The following CTNNA3 variants were observed in gnomAD, a reference collection of about 807,000 sequenced individuals.
CTNNA3 encodes the protein catenin alpha-3.
Under a neutral mutation model 95.7 loss-of-function variants are expected in CTNNA3, and 76 were observed. That is an observed-to-expected ratio of 0.79 (90% CI 0.66 to 0.96). The LOEUF is 0.96. Ranked by LOEUF, CTNNA3 falls within the 40% of genes least tolerant of loss-of-function variation. The pLI, the probability that CTNNA3 is intolerant of heterozygous loss-of-function variation, is 0.00. For missense variants in CTNNA3, 1,191 were observed against 1,089.8 expected (o/e 1.09, Z -1.31); for synonymous variants, 431 against 374.4 (o/e 1.15, Z -1.74).
At chr10:67,726,274 ATAT>A (rs1477391102) in intron 1 of CTNNA3, among the ~76,000 whole-genome samples, 11 of 53,160 alleles carry the variant, frequency 2.1e-4, no homozygotes, top group African/African-American at 3.6e-4. Context: ...CATATTATAT[ATAT>A]TATATTACAT....
chr10:66,162,015 G>T (rs192879536), intron 13 of CTNNA3, among the ~76,000 whole-genome samples: 5 of 151,682 alleles, frequency 3.3e-5, no homozygotes, highest in African/African-American at 1.2e-4. Context: ...AGAGCATTCT[G>T]CATTTCCGAA....
intron 5 of CTNNA3, among the ~76,000 whole-genome samples, chr10:67,435,014 G>A (rs1025028078): frequency 1.3e-4 from 20 of 151,958 alleles, no homozygotes; most frequent in African/African-American, 4.1e-4. Context: ...CTATTGTTCC[G>A]ATATATTGCT....
In CTNNA3 at chr10:65,920,362, T is replaced by C. The variant is rs376134614; in HGVS notation, c.2656A>G (p.Met886Val). 6.2e-7 allele frequency: 1 copy of C among 1,613,980 alleles called. No homozygotes were observed. The highest frequency in any genetic ancestry group is 1.1e-5 in the South Asian group (1 of 91,078). Residue 886 changes from methionine to valine, a missense_variant, in exon 18 of 18, where the codon ATG becomes GTG. Coordinates refer to ENST00000433211, the MANE Select transcript of CTNNA3 (RefSeq NM_013266.4). ...ATTTGTCTTCCTCTAAATTCACTCATGACTTGCAATGGATGGATTTTTTTC... is the reference window on the plus strand; with the variant it reads ...ATTTGTCTTCCTCTAAATTCACTCACGACTTGCAATGGATGGATTTTTTTC... Reference protein sequence around the residue: ...AKKKIHPLQVMSEFRGRQIY With the variant: ...AKKKIHPLQVVSEFRGRQIY
chr10:67,522,024 T>G (rs1840003740), intron 4 of CTNNA3, 63 bp from the exon 5 acceptor site: 2 of 1,539,774 alleles, frequency 1.3e-6, no homozygotes, highest in South Asian at 2.4e-5. Flanking sequence ...ATTCTCAACT[T>G]GCTAACACGA....
intron 5 of CTNNA3, among the ~76,000 whole-genome samples, chr10:67,516,312 A>G (rs1234903864): frequency 6.6e-6 from 1 of 152,168 alleles, no homozygotes; most frequent in Non-Finnish European, 1.5e-5. Context: ...ATTCTAGCTG[A>G]TTCACTACTT....
intron 1 of CTNNA3, among the ~76,000 whole-genome samples, chr10:67,687,636 C>T (rs1370677408): frequency 1.3e-5 from 2 of 152,090 alleles, no homozygotes; most frequent in East Asian, 3.9e-4. Context: ...GCGCAAGGCT[C>T]GCTTTTGGAG....
intron 5 of CTNNA3, among the ~76,000 whole-genome samples, chr10:67,252,035 C>T (rs1866128649): frequency 6.6e-6 from 1 of 152,000 alleles, no homozygotes; most frequent in Non-Finnish European, 1.5e-5. Flanking sequence ...CACGGTGAAA[C>T]TCTGTCTCTA....
intron 1 of CTNNA3, among the ~76,000 whole-genome samples, chr10:67,731,402 A>T (rs1448758737): frequency 1.3e-5 from 2 of 152,090 alleles, no homozygotes; most frequent in African/African-American, 4.8e-5. Flanking sequence ...AATCGGTTGA[A>T]CCTGGGAAGC....
chr10:66,836,576 T>G (rs916102174), intron 7 of CTNNA3, among the ~76,000 whole-genome samples: 7 of 151,910 alleles, frequency 4.6e-5, no homozygotes, highest in Admixed American at 6.6e-5. Flanking sequence ...ACCAGGCGAG[T>G]CCTGCAGTGG....
intron 13 of CTNNA3, among the ~76,000 whole-genome samples, chr10:66,110,360 T>TAAAAA (rs35402161): frequency 9.5e-6 from 1 of 104,864 alleles, no homozygotes; most frequent in East Asian, 2.8e-4. Flanking sequence ...AGACTCTGTC[T>TAAAAA]AAAAAAAAAA....
chr10:66,177,666 CGTAA>C (rs2085788828), intron 13 of CTNNA3, among the ~76,000 whole-genome samples: 1 of 151,904 alleles, frequency 6.6e-6, no homozygotes, highest in African/African-American at 2.4e-5. Flanking sequence ...CATACCAAAA[CGTAA>C]GTGAGCATTT....
intron 9 of CTNNA3, among the ~76,000 whole-genome samples, chr10:66,668,472 T>C (rs1411534373): frequency 2.0e-5 from 3 of 150,360 alleles, no homozygotes; most frequent in African/African-American, 7.4e-5. Context: ...CACATCCACA[T>C]ATATACATAC....
intron 2 of CTNNA3, among the ~76,000 whole-genome samples, chr10:67,632,885 G>A (rs574752645): frequency 1.3e-5 from 2 of 152,184 alleles, no homozygotes; most frequent in African/African-American, 2.4e-5. Context: ...GCCAAACAGC[G>A]TCATTCTGCA....
intron 5 of CTNNA3, among the ~76,000 whole-genome samples, chr10:67,348,374 G>GA (rs1390665748): frequency 1.3e-5 from 2 of 152,064 alleles, no homozygotes; most frequent in African/African-American, 4.8e-5. Context: ...TACAGAATAG[G>GA]AAAAAATGTT....
chr10:67,068,609 A>G (rs1209714153), intron 7 of CTNNA3, among the ~76,000 whole-genome samples: 1 of 152,208 alleles, frequency 6.6e-6, no homozygotes, highest in Non-Finnish European at 1.5e-5. Context: ...ATTATCAGAG[A>G]AAAAAAGACA....
intron 5 of CTNNA3, among the ~76,000 whole-genome samples, chr10:67,315,835 A>G (rs1344740818): frequency 6.6e-6 from 1 of 152,172 alleles, no homozygotes; most frequent in Non-Finnish European, 1.5e-5. Context: ...TCTTTTATAG[A>G]AAATCACTAG....
intron 7 of CTNNA3, among the ~76,000 whole-genome samples, chr10:66,858,200 A>G (rs1843758216): frequency 6.6e-6 from 1 of 152,144 alleles, no homozygotes; most frequent in African/African-American, 2.4e-5. Context: ...GTGATGAATC[A>G]CATTTATTGA....
intron 7 of CTNNA3, among the ~76,000 whole-genome samples, chr10:67,091,318 T>G (rs1857619427): frequency 6.6e-6 from 1 of 151,940 alleles, no homozygotes; most frequent in Non-Finnish European, 1.5e-5. Flanking sequence ...AATTGAGAAT[T>G]TAAAGACAGT....
At chr10:67,714,755 T>C (rs1192494797) in intron 1 of CTNNA3, among the ~76,000 whole-genome samples, 1 of 152,182 alleles carries the variant, frequency 6.6e-6, no homozygotes, top group African/African-American at 2.4e-5. Context: ...AATTCCCACA[T>C]ATTGTGGGAG....
Sources: gnomAD v4.1 joint callset for allele counts (sites outside exome capture counted in the v4.1 genomes callset) on GRCh38, gnomAD v4.1.1 for gene constraint, MANE v1.5 for transcripts, NCBI Gene and HGNC (gene_info 2026-07-23, HGNC 2026-07-21) for gene names.